HM13: variants seen among roughly 807,000 people sequenced by gnomAD.
The protein encoded by HM13 is histocompatibility minor 13.
Under a neutral mutation model 50.0 loss-of-function variants are expected in HM13, and 18 were observed. That is an observed-to-expected ratio of 0.36 (90% CI 0.25 to 0.53). The LOEUF is 0.53. HM13 is among the 20% of genes least tolerant of loss of function. The probability of loss-of-function intolerance (pLI) is 0.90; values close to 1 mark genes in which losing one functional copy is unlikely to be tolerated. For missense variants in HM13, 393 were observed against 552.4 expected, an observed-to-expected ratio of 0.71 and a Z score of 2.89; for synonymous variants, 197 against 232.6, an observed-to-expected ratio of 0.85 and a Z score of 1.39.
intron 8 of HM13, among the ~76,000 whole-genome samples, chr20:31,555,185 TCA>T (rs1288330211): frequency 6.6e-6 from 1 of 152,142 alleles, no homozygotes; most frequent in African/African-American, 2.4e-5. Flanking sequence ...TGGACCCCTG[TCA>T]CACACACCCA....
At chr20:31,528,636 G>A (rs775635810) in intron 2 of HM13, among the ~76,000 whole-genome samples, 11 of 152,266 alleles carry the variant, frequency 7.2e-5, no homozygotes, top group African/African-American at 1.7e-4. Context: ...GCGCCACCAC[G>A]CCCAGCTAAT....
Position 31,514,521 on chromosome 20 carries a change from G to C in HM13, c.-31G>C, listed in dbSNP as rs781770614. On this transcript the variant is annotated 5_prime_UTR_variant, in exon 1 of 13. Coordinates refer to ENST00000398174, the MANE Select transcript of HM13 (RefSeq NM_178581.3). This position sits in a 1 kb window ranked among gnomAD's most constrained non-coding sequence, Gnocchi z 4.3. ...CTGCGTCCCTGCTGCAGCAACCGGA[G>C]CTGGAGTCGGATCCCGAACGCACCC... 1 of 1,591,840 alleles carries C rather than the reference G, an allele frequency of 6.3e-7. No homozygotes were observed. The highest frequency in any genetic ancestry group is 8.5e-7 in the Non-Finnish European group (1 of 1,171,564).
chr20:31,554,238 G>A (rs1392805088), intron 7 of HM13, among the ~76,000 whole-genome samples: 2 of 152,012 alleles, frequency 1.3e-5, no homozygotes, highest in African/African-American at 4.8e-5. Context: ...AAATGGGGCG[G>A]GCGTCTAAAA....
At chr20:31,527,432 G>A in intron 1 of HM13, 52 bp from the exon 2 acceptor site, 2 of 1,283,478 alleles carry the variant, frequency 1.6e-6, no homozygotes, top group Non-Finnish European at 2.3e-6. Context: ...AGCCTTGCAG[G>A]AACATATGGG....
chr20:31,545,209 T>TCCCATG (rs1293934286), intron 4 of HM13, among the ~76,000 whole-genome samples, 174 bp downstream of exon 4: 1 of 152,200 alleles, frequency 6.6e-6, no homozygotes, highest in African/African-American at 2.4e-5. Flanking sequence ...GGACCCTGGG[T>TCCCATG]GAACGCCTTA....
intron 3 of HM13, 69 bp from the exon 4 acceptor site, chr20:31,544,878 G>A: frequency 8.2e-7 from 1 of 1,223,316 alleles, no homozygotes; most frequent in East Asian, 2.3e-5. Flanking sequence ...TGTAAATGGG[G>A]CAGGGGTGTG....
intron 8 of HM13, among the ~76,000 whole-genome samples, chr20:31,558,218 T>G (rs775138016): frequency 1.9e-4 from 29 of 152,224 alleles, no homozygotes; most frequent in Non-Finnish European, 2.9e-5. Context: ...TTTTCAAGTT[T>G]CAGAGTGCAG....
At chr20:31,529,828 A>G (rs1982707155) in intron 2 of HM13, among the ~76,000 whole-genome samples, 1 of 152,068 alleles carries the variant, frequency 6.6e-6, no homozygotes, top group Admixed American at 6.6e-5. Flanking sequence ...TTAACTGGGC[A>G]TGGTGGCATG....
At chr20:31,526,206 G>A (rs1307392650) in intron 1 of HM13, among the ~76,000 whole-genome samples, 1 of 150,894 alleles carries the variant, frequency 6.6e-6, no homozygotes, top group Non-Finnish European at 1.5e-5. Flanking sequence ...TCCCAGGCTA[G>A]AGTGTTCAGT....
chr20:31,539,492 C>T (rs776752601), intron 3 of HM13: 18 of 985,354 alleles, frequency 1.8e-5, no homozygotes, highest in Non-Finnish European at 2.2e-5. Flanking sequence ...AATCTGCTCC[C>T]AAAAGCATTG....
At chr20:31,561,957 C>T (rs544754387) in intron 10 of HM13, among the ~76,000 whole-genome samples, 5 of 152,348 alleles carry the variant, frequency 3.3e-5, no homozygotes, top group African/African-American at 7.2e-5. Context: ...GAGGGAAAAG[C>T]GTAACAGCCA....
chr20:31,538,030 A>T, intron 2 of HM13, 149 bp from the exon 3 acceptor site: 1 of 776,416 alleles, frequency 1.3e-6, no homozygotes, highest in Non-Finnish European at 2.0e-6. Context: ...CAGAAACTAG[A>T]ATGCCACTAG....
intron 1 of HM13, among the ~76,000 whole-genome samples, chr20:31,519,067 T>A (rs998111309): frequency 2.6e-5 from 4 of 152,178 alleles, no homozygotes; most frequent in Non-Finnish European, 5.9e-5. Flanking sequence ...TCTGTGTCTT[T>A]ACAAATAAAT....
intron 1 of HM13, among the ~76,000 whole-genome samples, chr20:31,520,547 G>A (rs879649357): frequency 2.6e-5 from 4 of 152,030 alleles, no homozygotes; most frequent in Admixed American, 1.3e-4. Flanking sequence ...CAAGTGATCC[G>A]CCCACCTCGG....
At chr20:31,516,781 T>A (rs932166212) in intron 1 of HM13, among the ~76,000 whole-genome samples, 1 of 152,104 alleles carries the variant, frequency 6.6e-6, no homozygotes, top group Non-Finnish European at 1.5e-5. Context: ...ACTGTATGAA[T>A]TTACAAACAG....
intron 4 of HM13, among the ~76,000 whole-genome samples, chr20:31,546,496 C>T (rs1398369210): frequency 4.0e-5 from 6 of 151,786 alleles, no homozygotes; most frequent in Admixed American, 3.9e-4. Flanking sequence ...TGGCTCACGC[C>T]TCCCAGCACT....
intron 10 of HM13, chr20:31,564,025 A>T (rs983319598): frequency 2.0e-5 from 3 of 151,776 alleles, no homozygotes; most frequent in South Asian, 2.1e-4. Flanking sequence ...CAGTGAGCCG[A>T]GATCGCACCA....
In HM13 at chr20:31,544,971, A is replaced by G; in HGVS notation, c.390A>G (p.Pro130=). 6.2e-7 allele frequency: 1 copy of G among 1,614,190 alleles called. No homozygotes were observed. Among genetic ancestry groups the G allele is most frequent in the Non-Finnish European group, 8.5e-7 (1 of 1,180,010 alleles). The change falls in exon 4 of 13, where the codon CCA becomes CCG. Residue 130 remains proline (P), a synonymous_variant. Coordinates refer to ENST00000398174, the MANE Select transcript of HM13 (RefSeq NM_178581.3). The stretch of plus-strand genomic sequence containing the variant: ...GCCCCTTCATGAATAAGTTTTTTCC[A>G]GCCAGCTTTCCAAATCGACAGTACC... The part of the protein sequence containing the change: ...TISPFMNKFF[P]ASFPNRQYQL...
At chr20:31,541,510 T>G (rs914865332) in intron 3 of HM13, 3 of 146,572 alleles carry the variant, frequency 2.0e-5, no homozygotes, top group African/African-American at 7.5e-5. Flanking sequence ...AAAAAAAGAA[T>G]AATGGATGGC....
Sources: allele counts gnomAD v4.1 joint callset (sites outside exome capture counted in the v4.1 genomes callset), GRCh38; gene constraint gnomAD v4.1.1; non-coding constraint Gnocchi (gnomAD v3.1); transcripts MANE v1.5; gene names NCBI Gene and HGNC (gene_info 2026-07-23, HGNC 2026-07-21).